The following DPP6 variants were observed in gnomAD, a reference collection of about 807,000 sequenced individuals.
DPP6 encodes dipeptidyl peptidase like 6.
DPP6 carries 69 observed loss-of-function variants against 122.6 expected under a neutral mutation model. The observed-to-expected ratio is 0.56, with a 90% confidence interval of 0.46 to 0.69. DPP6 has a LOEUF of 0.69. DPP6 is among the 30% of genes least tolerant of loss of function. The pLI, the probability that DPP6 is intolerant of heterozygous loss-of-function variation, is 0.00. For synonymous variants in DPP6, 418 were observed against 433.1 expected (o/e 0.97, Z 0.43); for missense variants, 928 against 1,116.9 (o/e 0.83, Z 2.41).
At chr7:153,873,962 C>T in the DPP6 span, among the ~76,000 whole-genome samples, 1 of 152,110 alleles carries the variant, frequency 6.6e-6, no homozygotes, top group African/African-American at 2.4e-5. Context: ...ATTGGAATCC[C>T]CAAAGGCTAC....
rs750065238 is a variant in DPP6 at position 153,910,234 on chromosome 7, C to CTTTTTTCTTTTTTTTTTTTTTTT, written c.51+22506_51+22507insCTTTTTTTTTTTTTTTTTTTTTT. ...ACTTTTTTGACCACTTTCTTTCTTT[C>CTTTTTTCTTTTTTTTTTTTTTTT]TTTTTTTTTTTTTGAGATGGAGTCT... On this transcript the variant is annotated intron_variant, in intron 1 of 25. Transcript: ENST00000404039. Among the ~76,000 whole-genome samples, 249 of 137,672 alleles carry CTTTTTTCTTTTTTTTTTTTTTTT rather than the reference C, an allele frequency of 1.8e-3. 2 individuals carry two copies. The highest frequency in any genetic ancestry group is 2.7e-3 in the Non-Finnish European group (173 of 63,902). The allele number at this position is 137,672 out of a possible 152,430, so 90.3% of individuals were successfully genotyped here. A position where few individuals can be genotyped will look rare whatever the true frequency, so the allele number is the denominator to read the frequency against.
chr7:154,008,263 C>T (rs990659189), intron 1 of DPP6, among the ~76,000 whole-genome samples: 1 of 152,180 alleles, frequency 6.6e-6, no homozygotes, highest in African/African-American at 2.4e-5. Flanking sequence ...CCGTGGGCAG[C>T]TCTCAGCTCT....
intron 3 of DPP6, among the ~76,000 whole-genome samples, chr7:154,503,132 A>G (rs1292132642): frequency 6.6e-6 from 1 of 152,172 alleles, no homozygotes; most frequent in Non-Finnish European, 1.5e-5. Context: ...AGAGAGTTGA[A>G]GCTACACCTT....
intron 1 of DPP6, among the ~76,000 whole-genome samples, chr7:153,994,245 T>C (rs1237986362): frequency 2.6e-5 from 4 of 151,636 alleles, no homozygotes; most frequent in Non-Finnish European, 5.9e-5. Flanking sequence ...GAATTCACAA[T>C]GTTAAGAAGG....
chr7:154,309,803 G>A (rs1316172390), intron 1 of DPP6, among the ~76,000 whole-genome samples: 1 of 152,200 alleles, frequency 6.6e-6, no homozygotes, highest in Non-Finnish European at 1.5e-5. Flanking sequence ...TAGGGAAGGT[G>A]GTCCTTTTGC....
In DPP6 at chr7:154,481,661, C is replaced by T. The variant is rs114087961; in HGVS notation, c.457+6624C>T. On this transcript the variant is annotated intron_variant, in intron 3 of 25. Transcript: ENST00000377770. The surrounding 1 kb of genome is among the most constrained non-coding windows in gnomAD (Gnocchi z 4.2). The stretch of plus-strand genomic sequence containing the variant: ...TTGCTTCAGAAGTCCATCTTCTTTT[C>T]CCCCAGAGTGGCTCTTACATAGGAT... Among the ~76,000 whole-genome samples the T allele has an allele frequency of 0.018, 2,669 of 152,192 alleles. 84 individuals are homozygous for T. Among genetic ancestry groups the T allele is most frequent in the African/African-American group, 0.061 (2,529 of 41,518 alleles).
At chr7:154,183,905 G>A (rs1798223810) in intron 1 of DPP6, among the ~76,000 whole-genome samples, 2 of 152,192 alleles carry the variant, frequency 1.3e-5, no homozygotes, top group South Asian at 2.1e-4. Context: ...CTCTGACAGG[G>A]GCCCTGCACT....
intron 1 of DPP6, among the ~76,000 whole-genome samples, chr7:154,274,589 T>C (rs1322906183): frequency 1.3e-5 from 2 of 152,220 alleles, no homozygotes; most frequent in East Asian, 3.9e-4. Context: ...GATGCTTCCA[T>C]GCACTTTAGA....
chr7:153,943,768 T>A (rs190762062), intron 1 of DPP6, among the ~76,000 whole-genome samples: 63 of 152,278 alleles, frequency 4.1e-4, no homozygotes, highest in Middle Eastern at 3.4e-3. Flanking sequence ...AAAAAGCAAT[T>A]TTGCCTCCCC....
intron 1 of DPP6, among the ~76,000 whole-genome samples, chr7:154,140,261 C>G (rs543911395): frequency 6.6e-6 from 1 of 152,300 alleles, no homozygotes; most frequent in African/African-American, 2.4e-5. Flanking sequence ...AACCATGATT[C>G]TGTTTGCAAA....
chr7:154,716,003 T>C (rs1841462028), intron 7 of DPP6, among the ~76,000 whole-genome samples: 1 of 152,160 alleles, frequency 6.6e-6, no homozygotes. Context: ...CATATTTATT[T>C]CCTTCTGTTC....
At chr7:154,365,335 C>A (rs1420082533) in intron 1 of DPP6, among the ~76,000 whole-genome samples, 1 of 152,214 alleles carries the variant, frequency 6.6e-6, no homozygotes. Flanking sequence ...GAACCACAAT[C>A]ATGATACGGA....
intron 1 of DPP6, among the ~76,000 whole-genome samples, chr7:154,313,729 GCACACA>G (rs200018112): frequency 1.7e-5 from 1 of 59,674 alleles, no homozygotes. Flanking sequence ...ACACACGCAC[GCACACA>G]CACACACACA....
intron 2 of DPP6, among the ~76,000 whole-genome samples, chr7:154,450,417 T>C (rs1820258586): frequency 6.6e-6 from 1 of 152,214 alleles, no homozygotes; most frequent in Non-Finnish European, 1.5e-5. Context: ...AACTTTATGA[T>C]ATGTGAATTT....
chr7:154,383,758 T>C (rs985881324), intron 1 of DPP6, among the ~76,000 whole-genome samples: 10 of 151,754 alleles, frequency 6.6e-5, no homozygotes, highest in South Asian at 2.1e-4. Flanking sequence ...GGCATGGTGG[T>C]GCGTGCCTGT....
chr7:154,538,543 G>T (rs747022494), intron 3 of DPP6, among the ~76,000 whole-genome samples: 4 of 152,126 alleles, frequency 2.6e-5, no homozygotes, highest in Admixed American at 2.6e-4. Context: ...CTTGGAACTC[G>T]TGAGGGGGTG....
chr7:154,159,801 A>G (rs1222107080), intron 1 of DPP6, among the ~76,000 whole-genome samples: 2 of 152,166 alleles, frequency 1.3e-5, no homozygotes, highest in African/African-American at 2.4e-5. Flanking sequence ...TAATATGTCT[A>G]TATTGCAGAT....
intron 1 of DPP6, among the ~76,000 whole-genome samples, chr7:154,127,652 GACACAC>G (rs66703506): frequency 3.8e-5 from 3 of 79,106 alleles, no homozygotes; most frequent in East Asian, 2.6e-4. Context: ...CACACACACA[GACACAC>G]ACACACACAC....
intron 1 of DPP6, among the ~76,000 whole-genome samples, chr7:153,897,962 T>C (rs886414922): frequency 3.3e-5 from 5 of 152,132 alleles, no homozygotes; most frequent in Non-Finnish European, 5.9e-5. Context: ...AAAAGCTGTG[T>C]GGATAAGGAG....
Sources: gnomAD v4.1 joint callset for allele counts (sites outside exome capture counted in the v4.1 genomes callset) on GRCh38, gnomAD v4.1.1 for gene constraint, Gnocchi (gnomAD v3.1) non-coding constraint, MANE v1.5 for transcripts, NCBI Gene and HGNC (gene_info 2026-07-23, HGNC 2026-07-21) for gene names.